The following EML4 variants were observed in gnomAD, a reference collection of about 807,000 sequenced individuals.
The protein encoded by EML4 is echinoderm microtubule-associated protein-like 4.
A neutral mutation model predicts 129.0 loss-of-function variants in EML4; 72 were observed. The observed-to-expected ratio is 0.56, with a 90% CI of 0.46 to 0.68. The LOEUF is 0.68. EML4 is among the 30% of genes least tolerant of loss of function. The probability of loss-of-function intolerance (pLI) is 0.00; values close to 1 mark genes in which losing one functional copy is unlikely to be tolerated. For missense variants in EML4, 1,363 were observed against 1,190.6 expected (o/e 1.14, Z -2.13); for synonymous variants, 532 against 405.0 (o/e 1.31, Z -3.77).
chr2:42,313,602 C>T (rs1669077790), intron 17 of EML4, among the ~76,000 whole-genome samples: 1 of 152,024 alleles, frequency 6.6e-6, no homozygotes, highest in Non-Finnish European at 1.5e-5. Flanking sequence ...TGGTCCCTTT[C>T]CCAGATATTA....
chr2:42,316,125 A>G (rs1669234022), intron 18 of EML4, 75 bp downstream of exon 18: 1 of 1,003,272 alleles, frequency 1.0e-6, no homozygotes, highest in Non-Finnish European at 1.6e-6. Context: ...TTTACTTCTA[A>G]TAAGGCTGAC....
chr2:42,241,584 C>G (rs1042993719), intron 1 of EML4, among the ~76,000 whole-genome samples: 2 of 152,174 alleles, frequency 1.3e-5, no homozygotes, highest in Admixed American at 6.5e-5. Context: ...CTGTTCCAAT[C>G]TATTTTCACA....
intron 2 of EML4, among the ~76,000 whole-genome samples, chr2:42,250,924 T>C (rs915188922): frequency 6.6e-6 from 1 of 152,178 alleles, no homozygotes; most frequent in African/African-American, 2.4e-5. Context: ...TGACAGATCA[T>C]CAGGCATTAG....
chr2:42,320,328 TAA>T (rs59575212), intron 19 of EML4, among the ~76,000 whole-genome samples: 14 of 145,000 alleles, frequency 9.7e-5, no homozygotes, highest in African/African-American at 1.5e-4. Flanking sequence ...GTCTGTATTT[TAA>T]AAAAAAAAAA....
At chr2:42,233,754 T>A (rs961132485) in intron 1 of EML4, among the ~76,000 whole-genome samples, 1 of 152,232 alleles carries the variant, frequency 6.6e-6, no homozygotes, top group Admixed American at 6.5e-5. Flanking sequence ...AATATTTTGG[T>A]TTTAAAAATC....
At chr2:42,319,574 T>C (rs936973838) in intron 19 of EML4, 5 of 152,226 alleles carry the variant, frequency 3.3e-5, no homozygotes, top group Admixed American at 2.0e-4. Context: ...GCTGGTCTTA[T>C]AGTCAGTCCC....
In EML4 at chr2:42,231,706, T is replaced by G. The variant is rs537377480; in HGVS notation, c.26-13799T>G. 3.3e-5 allele frequency among the ~76,000 whole-genome samples: 5 copies of G among 152,344 alleles called. No individual in the cohort carries two copies. The South Asian group carries it at 8.3e-4, about 25-fold the overall frequency. ...GGCTCACACCTGTAGTCCCAGCACT[T>G]TGGGAGGCCAAGGTGGGTGGATCAC... On this transcript the variant is annotated intron_variant, in intron 1 of 22. Coordinates refer to ENST00000318522, the MANE Select transcript of EML4 (RefSeq NM_019063.5).
At chr2:42,261,903 A>G (rs1665762648) in intron 4 of EML4, among the ~76,000 whole-genome samples, 1 of 152,150 alleles carries the variant, frequency 6.6e-6, no homozygotes, top group African/African-American at 2.4e-5. Flanking sequence ...GAAAAGGGAG[A>G]AATATTCTAA....
chr2:42,228,192 G>T (rs1674098375), intron 1 of EML4, among the ~76,000 whole-genome samples: 1 of 151,274 alleles, frequency 6.6e-6, no homozygotes, highest in Non-Finnish European at 1.5e-5. Flanking sequence ...CTGCACTCCA[G>T]CCTGGGTGAC....
chr2:42,305,190 T>C (rs976115172), intron 17 of EML4, among the ~76,000 whole-genome samples: 4 of 152,142 alleles, frequency 2.6e-5, no homozygotes, highest in Non-Finnish European at 5.9e-5. Context: ...GGCAGGAAGA[T>C]TGCTTGAGGC....
At chr2:42,183,542 T>G (rs2103855676) in intron 1 of EML4, among the ~76,000 whole-genome samples, 1 of 152,322 alleles carries the variant, frequency 6.6e-6, no homozygotes, top group East Asian at 1.9e-4. Flanking sequence ...TTATCATACA[T>G]CTTAGTCACT....
intron 3 of EML4, among the ~76,000 whole-genome samples, chr2:42,258,463 CA>C (rs892501984): frequency 6.6e-5 from 10 of 152,030 alleles, no homozygotes; most frequent in Non-Finnish European, 1.3e-4. Flanking sequence ...TGCAATGGCG[CA>C]ATCTCGGCTC....
intron 1 of EML4, among the ~76,000 whole-genome samples, chr2:42,174,112 CTGTATTT>C (rs1459977344): frequency 6.6e-6 from 1 of 152,118 alleles, no homozygotes; most frequent in East Asian, 1.9e-4. Flanking sequence ...TAGCAAAATA[CTGTATTT>C]TGTATGTGGG....
At chr2:42,302,555 A>T (rs1668346722) in intron 14 of EML4, among the ~76,000 whole-genome samples, 1 of 148,606 alleles carries the variant, frequency 6.7e-6, no homozygotes, top group African/African-American at 2.5e-5. Context: ...TTTTTTTGAG[A>T]CAGAGTCTTG....
chr2:42,324,426 G>C (rs543167704), intron 19 of EML4, among the ~76,000 whole-genome samples: 33 of 152,332 alleles, frequency 2.2e-4, no homozygotes, highest in Admixed American at 1.9e-3. Flanking sequence ...GACCAGCCTC[G>C]GCGATGTGGT....
intron 1 of EML4, chr2:42,170,172 G>T (rs1387460037): frequency 6.6e-6 from 1 of 152,562 alleles, no homozygotes; most frequent in Non-Finnish European, 1.5e-5. Context: ...TAGATTTGAA[G>T]GCGACTTTCC....
At chr2:42,209,026 T>TC (rs1672729615) in intron 1 of EML4, among the ~76,000 whole-genome samples, 1 of 152,134 alleles carries the variant, frequency 6.6e-6, no homozygotes, top group Non-Finnish European at 1.5e-5. Flanking sequence ...CCCCTAAGAG[T>TC]CCATCGCTAG....
intron 1 of EML4, among the ~76,000 whole-genome samples, chr2:42,181,277 C>G (rs911283909): frequency 6.6e-6 from 1 of 152,018 alleles, no homozygotes; most frequent in Non-Finnish European, 1.5e-5. Context: ...TGTATGGACT[C>G]AGGTTTCTTA....
intron 11 of EML4, 21 bp from the exon 12 acceptor site, chr2:42,295,104 G>A (rs754145791): frequency 6.3e-7 from 1 of 1,597,430 alleles, no homozygotes; most frequent in Non-Finnish European, 8.5e-7. Context: ...TTCATCTAAA[G>A]CTTTATTTCC....
Sources: gnomAD v4.1 joint callset for allele counts (sites outside exome capture counted in the v4.1 genomes callset) on GRCh38, gnomAD v4.1.1 for gene constraint, MANE v1.5 for transcripts, NCBI Gene and HGNC (gene_info 2026-07-23, HGNC 2026-07-21) for gene names.